ASNSD1: variants seen among roughly 807,000 people sequenced by gnomAD.
ASNSD1 encodes the protein asparagine synthetase domain containing 1.
A neutral mutation model predicts 48.3 loss-of-function variants in ASNSD1; 36 were observed. The observed-to-expected ratio is 0.75, with a 90% confidence interval of 0.57 to 0.99. The LOEUF is 0.99. ASNSD1 is among the 50% of genes least tolerant of loss of function. The probability of loss-of-function intolerance (pLI) is 0.00; values close to 1 mark genes in which losing one functional copy is unlikely to be tolerated. For synonymous variants in ASNSD1, 257 were observed against 262.1 expected (o/e 0.98, Z 0.19); for missense variants, 714 against 758.2 (o/e 0.94, Z 0.69).
At chr2:189,664,152 A>G (rs558859952) in intron 2 of ASNSD1, among the ~76,000 whole-genome samples, 198 bp downstream of exon 2, 5 of 152,254 alleles carry the variant, frequency 3.3e-5, no homozygotes, top group South Asian at 4.1e-4. Context: ...TCTTTTTTCT[A>G]TCATATGCCA....
At position 189,666,954 on chromosome 2, in the gene ASNSD1, T is replaced by G; in HGVS notation, c.822T>G (p.Leu274=). The change falls in exon 4 of 6, where the codon CTT becomes CTG. Residue 274 remains leucine, a synonymous_variant. Transcript: ENST00000260952. ...PPTREILQVF[L]TDVHMKEVIQ... is the part of the protein sequence containing the mutation. Reference sequence around the variant, plus strand: ...CAAGAGAGATACTTCAAGTCTTTCTTACTGATGTACACATGAAGGAAGTAA... The same window carrying G: ...CAAGAGAGATACTTCAAGTCTTTCTGACTGATGTACACATGAAGGAAGTAA... 1 of 1,614,190 alleles carries G rather than the reference T, an allele frequency of 6.2e-7. No individual in the cohort carries two copies. Among genetic ancestry groups the G allele is most frequent in the Non-Finnish European group, 8.5e-7 (1 of 1,180,036 alleles).
At position 189,666,661 on chromosome 2, in the gene ASNSD1, G is replaced by C. The variant is rs373960766; in HGVS notation, c.529G>C (p.Gly177Arg). 3.1e-6 allele frequency: 5 copies of C among 1,613,870 alleles called. No individual in the cohort carries two copies. Among genetic ancestry groups the C allele is most frequent in the Non-Finnish European group, 3.4e-6 (4 of 1,179,948 alleles). Residue 177 changes from glycine to arginine, a missense_variant, in exon 4 of 6, where the codon GGA becomes CGA. Transcript: ENST00000260952. The part of the protein sequence containing the change: ...ANQWQEVPAS[G>R]LFRIDLKSTV... Reference sequence around the variant, plus strand: ...TCAGTGGCAAGAAGTTCCAGCATCTGGACTTTTCAGAATTGATCTTAAGTC... The same window carrying C: ...TCAGTGGCAAGAAGTTCCAGCATCTCGACTTTTCAGAATTGATCTTAAGTC...
At position 189,661,489 on chromosome 2, in the gene ASNSD1, G is replaced by C. The variant is rs1405109126; in HGVS notation, c.-344G>C. 2 of 399,138 alleles carry C rather than the reference G, an allele frequency of 5.0e-6. No homozygotes were observed. Among genetic ancestry groups the C allele is most frequent in the Non-Finnish European group, 8.8e-6 (2 of 226,244 alleles). 24.7% of individuals were successfully genotyped at this position (399,138 alleles called of 1,614,324 possible). A position where few individuals can be genotyped will look rare whatever the true frequency, so the allele number is the denominator to read the frequency against. Reference sequence around the variant, plus strand: ...TAATGCCGTAGGCTCCTTCAGGGCTGAGCCATCCCGCGTGTCTTGCGCTCG... The same window carrying C: ...TAATGCCGTAGGCTCCTTCAGGGCTCAGCCATCCCGCGTGTCTTGCGCTCG... On this transcript the variant is annotated 5_prime_UTR_variant, in exon 1 of 6. Transcript: ENST00000260952.
intron 5 of ASNSD1, 53 bp downstream of exon 5, chr2:189,667,998 T>A: frequency 6.6e-7 from 1 of 1,507,660 alleles, no homozygotes; most frequent in Non-Finnish European, 9.0e-7. Flanking sequence ...AACAGCAGAG[T>A]GTAAATGGAG....
At chr2:189,662,817 C>T (rs1049873821) in intron 1 of ASNSD1, among the ~76,000 whole-genome samples, 1 of 152,010 alleles carries the variant, frequency 6.6e-6, no homozygotes, top group Non-Finnish European at 1.5e-5. Context: ...AGCATGGTGG[C>T]CCAGGCCTGT....
Position 189,666,948 on chromosome 2 carries a change from C to G in ASNSD1, c.816C>G (p.Val272=). 6.2e-7 allele frequency: 1 copy of G among 1,614,078 alleles called. No homozygotes were observed. Among genetic ancestry groups the G allele is most frequent in the Admixed American group, 1.7e-5 (1 of 60,004 alleles). Residue 272 remains valine (V), a synonymous_variant, in exon 4 of 6, where the codon GTC becomes GTG. Transcript: ENST00000260952. ...CACCTACAAGAGAGATACTTCAAGT[C>G]TTTCTTACTGATGTACACATGAAGG... ...NVPPTREILQ[V]FLTDVHMKEV...
intron 1 of ASNSD1, among the ~76,000 whole-genome samples, chr2:189,663,167 AAATCTAAATCACAACTTAATTTTC>A (rs1345592340): frequency 5.3e-4 from 80 of 151,680 alleles, no homozygotes; most frequent in Non-Finnish European, 9.1e-4. Flanking sequence ...GCTTTTTTTT[AAATCTAAATCACAACTTAATTTTC>A]AATCTAAATC....
At chr2:189,664,918 A>G (rs190263546) in intron 2 of ASNSD1, among the ~76,000 whole-genome samples, 1 of 152,230 alleles carries the variant, frequency 6.6e-6, no homozygotes, top group Non-Finnish European at 1.5e-5. Flanking sequence ...AGTTACAAAG[A>G]TAATCATCAC....
At chr2:189,662,129 C>T (rs2032680698) in intron 1 of ASNSD1, among the ~76,000 whole-genome samples, 1 of 152,216 alleles carries the variant, frequency 6.6e-6, no homozygotes, top group African/African-American at 2.4e-5. Context: ...AGCGGTCTCT[C>T]CTCATCCACC....
rs377372887 is a variant in ASNSD1 at position 189,666,496 on chromosome 2, A to G, written c.364A>G (p.Ile122Val). ...FSEVQGPWSF[I>V]YYQASSHYLW... The stretch of plus-strand genomic sequence containing the variant: ...AGAAGTACAAGGTCCCTGGTCATTT[A>G]TATATTATCAAGCATCTAGTCATTA... The change falls in exon 4 of 6, where the codon ATA becomes GTA. Residue 122 changes from isoleucine to valine, a missense_variant. Ile to Val is a conservative substitution (Grantham distance 29, BLOSUM62 3). Coordinates refer to ENST00000260952, the MANE Select transcript of ASNSD1 (RefSeq NM_019048.4). 3.1e-6 allele frequency: 5 copies of G among 1,613,472 alleles called. No homozygotes were observed. In the African/African-American group the frequency reaches 5.3e-5, roughly 17 times the overall value.
chr2:189,665,914 T>C, intron 3 of ASNSD1, 127 bp from the exon 4 acceptor site: 1 of 459,936 alleles, frequency 2.2e-6, no homozygotes, highest in East Asian at 3.2e-5. Flanking sequence ...TTATCATTGG[T>C]ACTGGCACAG....
chr2:189,662,400 C>A (rs1574275566), intron 1 of ASNSD1, among the ~76,000 whole-genome samples: 1 of 152,282 alleles, frequency 6.6e-6, no homozygotes, highest in East Asian at 1.9e-4. Context: ...TATCAGTTAC[C>A]TTCTTTGAAG....
At chr2:189,663,226 A>C (rs527929319) in intron 1 of ASNSD1, among the ~76,000 whole-genome samples, 1 of 150,212 alleles carries the variant, frequency 6.7e-6, no homozygotes, top group African/African-American at 2.5e-5. Flanking sequence ...TTTGGTGTAT[A>C]TCATATATAT....
In ASNSD1 at chr2:189,667,541, G is replaced by T; in HGVS notation, c.1409G>T (p.Gly470Val). Reference sequence around the variant, plus strand: ...TGTGCAGTCTGGTTTGCTTCTAGAGGAATTGGTTGGTTAGTGGCCCAGGAA... The same window carrying T: ...TGTGCAGTCTGGTTTGCTTCTAGAGTAATTGGTTGGTTAGTGGCCCAGGAA... ...IGCAVWFASR[G>V]IGWLVAQEGV... Residue 470 changes from glycine to valine, a missense_variant, in exon 4 of 6, where the codon GGA becomes GTA. Gly to Val is a moderately radical substitution (Grantham distance 109). Coordinates refer to ENST00000260952, the MANE Select transcript of ASNSD1 (RefSeq NM_019048.4). 6.2e-7 allele frequency: 1 copy of T among 1,613,976 alleles called. No individual in the cohort carries two copies. The highest frequency in any genetic ancestry group is 8.5e-7 in the Non-Finnish European group (1 of 1,179,912).
chr2:189,669,083 C>T (rs942626713), intron 5 of ASNSD1, among the ~76,000 whole-genome samples: 34 of 152,226 alleles, frequency 2.2e-4, no homozygotes, highest in East Asian at 5.8e-4. Context: ...CTCTCTTTGA[C>T]TTCATTGTTT....
intron 3 of ASNSD1, among the ~76,000 whole-genome samples, 197 bp downstream of exon 3, chr2:189,665,648 T>TA (rs2032785357): frequency 7.8e-6 from 1 of 127,702 alleles, no homozygotes; most frequent in Non-Finnish European, 1.6e-5. Flanking sequence ...ATATATATAT[T>TA]ATAAATGTTT....
Position 189,666,045 on chromosome 2 carries a change from A to T in ASNSD1, c.-88A>T, listed in dbSNP as rs776372954. ...TATTCTCCTTCCCTGCAACAGATAT[A>T]TTGGATGAACTGAAAAAAGAATACC... On this transcript the variant is annotated 5_prime_UTR_variant, in exon 4 of 6. Coordinates refer to ENST00000260952, the MANE Select transcript of ASNSD1 (RefSeq NM_019048.4). The T allele has an allele frequency of 7.3e-7, 1 of 1,374,114 alleles. No homozygotes were observed. 85.1% of individuals were successfully genotyped at this position (1,374,114 alleles called of 1,614,324 possible).
At chr2:189,668,650 G>A (rs2032863802) in intron 5 of ASNSD1, among the ~76,000 whole-genome samples, 1 of 152,216 alleles carries the variant, frequency 6.6e-6, no homozygotes, top group Non-Finnish European at 1.5e-5. Context: ...TATAGAAACT[G>A]GCTTTGTCTC....
At position 189,666,518 on chromosome 2, in the gene ASNSD1, ATTAT is replaced by A. The variant is rs766433525; in HGVS notation, c.391_394del (p.Leu131GlyfsTer84). ...TTTATATATTATCAAGCATCTAGTC[ATTAT>A]TTATGGTTTGGTAGGGATTTTTTTG... On this transcript the variant is annotated frameshift_variant, in exon 4 of 6. Transcript: ENST00000260952. LOFTEE classifies it high-confidence loss of function. 23 of 1,613,392 alleles carry A rather than the reference ATTAT, an allele frequency of 1.4e-5. No individual in the cohort carries two copies. The highest frequency in any genetic ancestry group is 1.9e-5 in the Non-Finnish European group (22 of 1,179,852).
Sources: gnomAD v4.1 joint callset for allele counts (sites outside exome capture counted in the v4.1 genomes callset) on GRCh38, gnomAD v4.1.1 for gene constraint, MANE v1.5 for transcripts, NCBI Gene and HGNC (gene_info 2026-07-23, HGNC 2026-07-21) for gene names.